Variants in MOB1A observed in about 807,000 individuals in gnomAD.
The protein encoded by MOB1A is MOB1 Mps One Binder homolog A.
A neutral mutation model predicts 25.1 loss-of-function variants in MOB1A; 10 were observed. The observed-to-expected ratio is 0.40, with a 90% confidence interval of 0.25 to 0.68. The LOEUF (loss-of-function observed/expected upper bound fraction) is 0.68. MOB1A is among the 30% of genes least tolerant of loss of function. The probability of loss-of-function intolerance (pLI) is 0.40; values close to 1 mark genes in which losing one functional copy is unlikely to be tolerated. For synonymous variants in MOB1A, 81 were observed against 79.5 expected, an observed-to-expected ratio of 1.02 and a Z score of -0.10; for missense variants, 177 against 256.3, an observed-to-expected ratio of 0.69 and a Z score of 2.11.
intron 1 of MOB1A, among the ~76,000 whole-genome samples, chr2:74,177,118 G>T (rs1049827943): frequency 6.6e-6 from 1 of 152,074 alleles, no homozygotes; most frequent in Non-Finnish European, 1.5e-5. Flanking sequence ...TTCGAGACCA[G>T]CCTGGCCAAC....
At chr2:74,174,151 G>C (rs1254570184) in intron 1 of MOB1A, among the ~76,000 whole-genome samples, 1 of 150,814 alleles carries the variant, frequency 6.6e-6, no homozygotes, top group Admixed American at 6.6e-5. Flanking sequence ...CACGCCTGTA[G>C]TCCCAGCTAC....
chr2:74,159,099 A>G lies in MOB1A; in HGVS notation c.565T>C (p.Phe189Leu). ...LNTSFKHFIFFVQEFNLIDRR... is the reference protein window; with the variant it reads ...LNTSFKHFIFLVQEFNLIDRR... ...AACATGGATCAACTTACCTGAACAA[A>G]GAAAATAAAGTGCTTAAAGGAGGTG... The change falls in exon 5 of 6, where the codon TTT (phenylalanine) becomes CTT (leucine). Residue 189 changes from phenylalanine to leucine, a missense_variant. Physicochemically the swap from Phe to Leu is conservative, Grantham distance 22. Coordinates refer to ENST00000396049, the MANE Select transcript of MOB1A (RefSeq NM_018221.5). 1 of 1,613,712 alleles carries G rather than the reference A, an allele frequency of 6.2e-7. No homozygotes were observed. The highest frequency in any genetic ancestry group is 8.5e-7 in the Non-Finnish European group (1 of 1,179,806).
At chr2:74,158,778 C>CA (rs58720139) in intron 5 of MOB1A, among the ~76,000 whole-genome samples, 5,329 of 81,786 alleles carry the variant, frequency 0.065, 176 homozygotes, top group African/African-American at 0.075. Context: ...GACCCTGTCT[C>CA]AAAAAAAAAA....
chr2:74,169,472 C>A (rs1188023286), intron 2 of MOB1A, among the ~76,000 whole-genome samples: 1 of 152,060 alleles, frequency 6.6e-6, no homozygotes, highest in Non-Finnish European at 1.5e-5. Context: ...GCACTCCAGC[C>A]TGGGCGACAG....
intron 1 of MOB1A, among the ~76,000 whole-genome samples, chr2:74,176,372 T>C (rs1320988694): frequency 6.7e-6 from 1 of 150,112 alleles, no homozygotes. Flanking sequence ...AAAAACTATA[T>C]TGAACAAGGA....
chr2:74,167,402 C>T (rs149129313), intron 2 of MOB1A, among the ~76,000 whole-genome samples: 197 of 152,292 alleles, frequency 1.3e-3, no homozygotes, highest in Non-Finnish European at 2.3e-3. Flanking sequence ...CATGCCACCA[C>T]GCCCAGCTAA....
chr2:74,173,381 T>TG (rs200047605), intron 1 of MOB1A, among the ~76,000 whole-genome samples: 21 of 105,160 alleles, frequency 2.0e-4, no homozygotes, highest in African/African-American at 7.0e-4. Flanking sequence ...TTTCGGTTTT[T>TG]TTTTTTTTTT....
rs1692723311 is a variant in MOB1A, at chr2:74,153,785, A to T, written c.*2783T>A. 3 of 152,238 alleles carry T rather than the reference A, an allele frequency of 2.0e-5. No homozygotes were observed. 9.4% of individuals were successfully genotyped at this position (152,238 alleles called of 1,614,324 possible). A position where few individuals can be genotyped will look rare whatever the true frequency, so the allele number is the denominator to read the frequency against. On this transcript the variant is annotated 3_prime_UTR_variant, in exon 6 of 6. Coordinates refer to ENST00000396049, the MANE Select transcript of MOB1A (RefSeq NM_018221.5). ...AGACACTGAGAGGAGATGGCTTCTG[A>T]TTAGCAAGGGGGAAGGGAGTGAGTG...
chr2:74,178,813 C>A lies in MOB1A; in HGVS notation c.-139G>T, dbSNP rs1290537201. The stretch of plus-strand genomic sequence containing the variant: ...CCGCCGCTCGGAGCCGGGTTTCTGG[C>A]CGCTGCGAGCCTTTGCAAACCTCGG... On this transcript the variant is annotated 5_prime_UTR_variant, in exon 1 of 6. Coordinates refer to ENST00000396049, the MANE Select transcript of MOB1A (RefSeq NM_018221.5). 4.5e-6 allele frequency: 2 copies of A among 445,958 alleles called. No homozygotes were observed. The highest frequency in any genetic ancestry group is 7.2e-6 in the Non-Finnish European group (2 of 279,642). The allele number at this position is 445,958 out of a possible 1,614,324, so 27.6% of individuals were successfully genotyped here. A position where few individuals can be genotyped will look rare whatever the true frequency, so the allele number is the denominator to read the frequency against.
intron 2 of MOB1A, among the ~76,000 whole-genome samples, chr2:74,167,326 A>C (rs772288578): frequency 1.7e-4 from 26 of 151,952 alleles, no homozygotes; most frequent in Non-Finnish European, 3.8e-4. Flanking sequence ...GCTCACTGCA[A>C]CCTCCGCTTC....
At chr2:74,157,088 C>A (rs1167326633) in intron 5 of MOB1A, among the ~76,000 whole-genome samples, 1 of 149,416 alleles carries the variant, frequency 6.7e-6, no homozygotes, top group East Asian at 2.0e-4. Context: ...TGGCTGGAGG[C>A]TCCTATAAAG....
intron 1 of MOB1A, chr2:74,173,070 A>G: frequency 2.2e-6 from 1 of 454,292 alleles, no homozygotes; most frequent in Non-Finnish European, 4.4e-6. Flanking sequence ...TGGGAGGCAG[A>G]GGTTGCAGTA....
chr2:74,166,798 T>G (rs1418177355), intron 3 of MOB1A, among the ~76,000 whole-genome samples: 1 of 152,158 alleles, frequency 6.6e-6, no homozygotes, highest in African/African-American at 2.4e-5. Context: ...GATCACACAC[T>G]GCAATCCAGC....
chr2:74,154,617 A>C lies in MOB1A; in HGVS notation c.*1951T>G, dbSNP rs1692752081. 6.6e-6 allele frequency: 1 copy of C among 152,232 alleles called. No homozygotes were observed. Among genetic ancestry groups the C allele is most frequent in the African/African-American group, 2.4e-5 (1 of 41,470 alleles). 9.4% of individuals were successfully genotyped at this position (152,232 alleles called of 1,614,324 possible). A position where few individuals can be genotyped will look rare whatever the true frequency, so the allele number is the denominator to read the frequency against. On this transcript the variant is annotated 3_prime_UTR_variant, in exon 6 of 6. Coordinates refer to ENST00000396049, the MANE Select transcript of MOB1A (RefSeq NM_018221.5). ...GTTTGAGAATATTTGAAATACTAGA[A>C]ATAATGAGGAAAGTACAAGCCTAGC...
chr2:74,157,968 G>A (rs1046155955), intron 5 of MOB1A, among the ~76,000 whole-genome samples: 7 of 151,726 alleles, frequency 4.6e-5, no homozygotes, highest in African/African-American at 1.7e-4. Flanking sequence ...GATCATTTGA[G>A]GTCAGGAGTT....
intron 3 of MOB1A, 46 bp downstream of exon 3, chr2:74,166,967 TA>T: frequency 7.6e-7 from 1 of 1,311,932 alleles, no homozygotes. Context: ...CAATTGGTGA[TA>T]AAGTAAAACT....
chr2:74,174,941 G>C (rs1693407313), intron 1 of MOB1A, among the ~76,000 whole-genome samples: 1 of 152,164 alleles, frequency 6.6e-6, no homozygotes, highest in South Asian at 2.1e-4. Context: ...AATGTCAAAA[G>C]TTTAAATGAT....
intron 4 of MOB1A, among the ~76,000 whole-genome samples, chr2:74,159,710 C>A (rs1277787087): frequency 6.6e-6 from 1 of 152,186 alleles, no homozygotes; most frequent in Non-Finnish European, 1.5e-5. Flanking sequence ...CCAATCCTCA[C>A]AAAGTACCAC....
At chr2:74,178,365 C>G (rs1242371049) in intron 1 of MOB1A, 1 of 280,838 alleles carries the variant, frequency 3.6e-6, no homozygotes, top group African/African-American at 2.2e-5. Context: ...CGGCTCCGCC[C>G]CCAGATCGTC....
Sources: allele counts gnomAD v4.1 joint callset (sites outside exome capture counted in the v4.1 genomes callset), GRCh38; gene constraint gnomAD v4.1.1; transcripts MANE v1.5; gene names NCBI Gene and HGNC (gene_info 2026-07-23, HGNC 2026-07-21).